Variants in NAA35 observed in about 807,000 individuals in gnomAD.
The protein encoded by NAA35 is N-alpha-acetyltransferase 35, NatC auxiliary subunit, also known as MAK10 homolog, amino-acid N-acetyltransferase subunit.
In NAA35, 18 loss-of-function variants were observed where a neutral mutation model predicts 101.7. The observed-to-expected ratio is 0.18, with a 90% CI of 0.12 to 0.26. The LOEUF is 0.26. NAA35 is among the 10% of genes least tolerant of loss of function. NAA35 has a pLI of 1.00. For missense variants in NAA35, 601 were observed against 886.8 expected (o/e 0.68, Z 4.09); for synonymous variants, 267 against 273.1 (o/e 0.98, Z 0.22).
intron 13 of NAA35, among the ~76,000 whole-genome samples, chr9:86,004,734 C>G (rs1226319044): frequency 6.6e-6 from 1 of 152,134 alleles, no homozygotes; most frequent in Admixed American, 6.5e-5. Context: ...GGTATCATTA[C>G]AGACTCTGTA....
At chr9:86,016,471 AAT>A (rs1387548894) in intron 17 of NAA35, 66 bp from the exon 18 acceptor site, 26 of 1,264,052 alleles carry the variant, frequency 2.1e-5, no homozygotes, top group Non-Finnish European at 2.4e-5. Context: ...ATCTATCGTT[AAT>A]ATATGTGTTG....
At chr9:85,947,620 T>G (rs1828827513) in intron 2 of NAA35, among the ~76,000 whole-genome samples, 1 of 152,176 alleles carries the variant, frequency 6.6e-6, no homozygotes, top group Non-Finnish European at 1.5e-5. Flanking sequence ...CTTGAGACAT[T>G]TTTGATTGTC....
intron 6 of NAA35, among the ~76,000 whole-genome samples, chr9:85,965,841 G>C (rs1286438758): frequency 2.0e-5 from 3 of 152,126 alleles, no homozygotes; most frequent in East Asian, 3.8e-4. Flanking sequence ...CAGGTTTTAA[G>C]GGCTGGGGTA....
At chr9:86,000,390 T>A (rs148345017) in intron 12 of NAA35, among the ~76,000 whole-genome samples, 60 of 152,304 alleles carry the variant, frequency 3.9e-4, no homozygotes, top group African/African-American at 1.3e-3. Flanking sequence ...CAGGTTTTGG[T>A]ATCAAGATGA....
In NAA35 at chr9:86,024,446, T is replaced by C. The variant is rs552426828; in HGVS notation, c.*2486T>C. On this transcript the variant is annotated 3_prime_UTR_variant, in exon 23 of 23. Coordinates refer to ENST00000361671, the MANE Select transcript of NAA35 (RefSeq NM_024635.4). ...ATATTGGTAGATTCTACTGAAGGCT[T>C]GTATGCAGGGACATGATGGGATCAA... Among the ~76,000 whole-genome samples the C allele has an allele frequency of 1.3e-5, 2 of 152,250 alleles. No individual in the cohort carries two copies. Among genetic ancestry groups the C allele is most frequent in the African/African-American group, 2.4e-5 (1 of 41,538 alleles).
At chr9:85,986,401 T>C (rs1209549996) in intron 11 of NAA35, 1 of 469,814 alleles carries the variant, frequency 2.1e-6, no homozygotes, top group African/African-American at 2.0e-5. Flanking sequence ...TGTGCAGGCA[T>C]GTAATTTGTA....
intron 17 of NAA35, among the ~76,000 whole-genome samples, chr9:86,016,168 T>C (rs1172588704): frequency 6.6e-6 from 1 of 152,122 alleles, no homozygotes; most frequent in Non-Finnish European, 1.5e-5. Context: ...ATGTTCTTAA[T>C]TTTTAAGAAT....
intron 13 of NAA35, among the ~76,000 whole-genome samples, chr9:86,005,294 G>A (rs564077948): frequency 6.6e-5 from 10 of 152,284 alleles, no homozygotes; most frequent in Non-Finnish European, 1.2e-4. Flanking sequence ...ATCCATTCAT[G>A]ATTTGAAACT....
At chr9:85,944,897 C>T (rs1294690661) in intron 2 of NAA35, among the ~76,000 whole-genome samples, 1 of 152,220 alleles carries the variant, frequency 6.6e-6, no homozygotes, top group African/African-American at 2.4e-5. Flanking sequence ...TTGCATACCA[C>T]AGTTTGAAAA....
At chr9:86,013,181 G>A in intron 16 of NAA35, 37 bp downstream of exon 16, 1 of 1,282,298 alleles carries the variant, frequency 7.8e-7, no homozygotes, top group Non-Finnish European at 1.1e-6. Context: ...AAAATTAAAT[G>A]ATGCACACAC....
At chr9:86,016,734 T>C (rs1252340024) in intron 18 of NAA35, 59 bp downstream of exon 18, 6 of 1,538,752 alleles carry the variant, frequency 3.9e-6, no homozygotes, top group African/African-American at 2.8e-5. Context: ...TACAGATAAA[T>C]AGATGGAGAG....
intron 15 of NAA35, 85 bp from the exon 16 acceptor site, chr9:86,012,958 TAAA>T: frequency 1.1e-6 from 1 of 869,774 alleles, no homozygotes; most frequent in Admixed American, 2.9e-5. Flanking sequence ...TTTTTTCCCT[TAAA>T]CCAGATTGTG....
chr9:85,994,585 A>G (rs1311283073), intron 11 of NAA35, among the ~76,000 whole-genome samples: 14 of 152,206 alleles, frequency 9.2e-5, no homozygotes, highest in Admixed American at 8.5e-4. Flanking sequence ...TAAATTGCCT[A>G]TGTAACTCTG....
At chr9:86,003,485 T>C (rs562163456) in intron 12 of NAA35, 100 bp from the exon 13 acceptor site, 2 of 565,100 alleles carry the variant, frequency 3.5e-6, no homozygotes, top group Admixed American at 6.4e-5. Context: ...TGGTACTATG[T>C]CATTTCCAGA....
chr9:86,000,154 CAT>C (rs1406709099), intron 12 of NAA35, among the ~76,000 whole-genome samples: 2 of 152,064 alleles, frequency 1.3e-5, no homozygotes, highest in Non-Finnish European at 2.9e-5. Flanking sequence ...TTGAGATAAT[CAT>C]GTGATTTTTG....
chr9:85,979,628 G>A (rs1830350976), intron 11 of NAA35, among the ~76,000 whole-genome samples: 1 of 152,176 alleles, frequency 6.6e-6, no homozygotes, highest in South Asian at 2.1e-4. Flanking sequence ...TCTTTGAAGA[G>A]GAACTTCTAC....
chr9:85,946,081 A>T (rs1030094704), intron 2 of NAA35, among the ~76,000 whole-genome samples: 2 of 151,884 alleles, frequency 1.3e-5, no homozygotes, highest in Admixed American at 1.3e-4. Flanking sequence ...GAAATATGTG[A>T]TTATTTTAAG....
intron 2 of NAA35, among the ~76,000 whole-genome samples, chr9:85,943,154 G>A (rs1236056028): frequency 1.3e-5 from 2 of 152,112 alleles, no homozygotes; most frequent in East Asian, 1.9e-4. Context: ...TTGGAGAAAT[G>A]AACATGCTTG....
At chr9:85,977,472 T>C (rs780332129) in intron 10 of NAA35, 26 bp downstream of exon 10, 16 of 1,512,662 alleles carry the variant, frequency 1.1e-5, no homozygotes, top group Non-Finnish European at 1.8e-6. Flanking sequence ...ATAATATGTC[T>C]ATTTGTTTTA....
Sources: gnomAD v4.1 joint callset for allele counts (sites outside exome capture counted in the v4.1 genomes callset) on GRCh38, gnomAD v4.1.1 for gene constraint, MANE v1.5 for transcripts, NCBI Gene and HGNC (gene_info 2026-07-23, HGNC 2026-07-21) for gene names.